NAV2: variants seen among roughly 807,000 people sequenced by gnomAD.
NAV2 encodes the protein helicase, APC down-regulated 1.
In NAV2, 54 loss-of-function variants were observed where a neutral mutation model predicts 223.2. The observed-to-expected ratio is 0.24, with a 90% CI of 0.19 to 0.30. NAV2 has a LOEUF of 0.30. Among genes scored for constraint, NAV2 ranks in the 10% least tolerant of loss-of-function variants. NAV2 has a pLI of 1.00. For synonymous variants in NAV2, 1,279 were observed against 1,239.3 expected (o/e 1.03, Z -0.67); for missense variants, 2,806 against 3,147.5 (o/e 0.89, Z 2.60).
At chr11:19,527,289 G>A (rs1271149386) in intron 1 of NAV2, among the ~76,000 whole-genome samples, 1 of 152,148 alleles carries the variant, frequency 6.6e-6, no homozygotes, top group African/African-American at 2.4e-5. Context: ...CTGCTGCCAT[G>A]TAAGATGTAC....
chr11:19,433,221 GA>G (rs1404037148), intron 1 of NAV2, among the ~76,000 whole-genome samples: 1 of 152,166 alleles, frequency 6.6e-6, no homozygotes, highest in East Asian at 1.9e-4. Context: ...CTGAAAAATG[GA>G]ATGTTTGTGG....
intron 1 of NAV2, among the ~76,000 whole-genome samples, chr11:19,577,565 TC>T (rs2045604205): frequency 6.6e-6 from 1 of 152,260 alleles, no homozygotes; most frequent in East Asian, 1.9e-4. Context: ...CAGCTCTGTT[TC>T]CCCTCTTGTC....
chr11:20,038,746 C>A (rs1365022128), intron 12 of NAV2, among the ~76,000 whole-genome samples: 1 of 152,162 alleles, frequency 6.6e-6, no homozygotes, highest in Non-Finnish European at 1.5e-5. Context: ...CGTGGGGAGG[C>A]AGGGAGAAGT....
chr11:19,471,843 A>G (rs2041975860), intron 1 of NAV2, among the ~76,000 whole-genome samples: 3 of 152,112 alleles, frequency 2.0e-5, no homozygotes, highest in Admixed American at 6.5e-5. Flanking sequence ...GGCTGCTCCA[A>G]TTGACTTCAC....
At chr11:19,635,294 C>T (rs1283036265) in intron 1 of NAV2, among the ~76,000 whole-genome samples, 1 of 152,122 alleles carries the variant, frequency 6.6e-6, no homozygotes, top group African/African-American at 2.4e-5. Context: ...ATTTTTTTAA[C>T]ACAGCAATGC....
At chr11:19,625,763 C>A (rs1055834646) in intron 1 of NAV2, among the ~76,000 whole-genome samples, 2 of 152,040 alleles carry the variant, frequency 1.3e-5, no homozygotes, top group Non-Finnish European at 2.9e-5. Context: ...AGATGACACC[C>A]CATTGTGGTT....
At chr11:19,575,904 G>A (rs1422730021) in intron 1 of NAV2, among the ~76,000 whole-genome samples, 5 of 152,168 alleles carry the variant, frequency 3.3e-5, no homozygotes, top group Non-Finnish European at 7.4e-5. Flanking sequence ...CTAGTTTTAA[G>A]TTGTAGCCCA....
intron 1 of NAV2, among the ~76,000 whole-genome samples, chr11:19,391,588 C>A (rs1180689221): frequency 6.6e-6 from 1 of 151,992 alleles, no homozygotes; most frequent in Non-Finnish European, 1.5e-5. Flanking sequence ...GTAGCAGGAA[C>A]AGTGGGGTAT....
At chr11:19,461,501 T>G (rs1253691528) in intron 1 of NAV2, among the ~76,000 whole-genome samples, 1 of 152,220 alleles carries the variant, frequency 6.6e-6, no homozygotes, top group East Asian at 1.9e-4. Context: ...TTCTACCCAC[T>G]GTGTAATTTG....
intron 1 of NAV2, among the ~76,000 whole-genome samples, chr11:19,646,139 A>T (rs550098542): frequency 6.6e-6 from 1 of 152,336 alleles, no homozygotes; most frequent in South Asian, 2.1e-4. Context: ...AATGGGGTTG[A>T]ATGAGAGGCC....
At chr11:19,540,256 G>T (rs2044304069) in intron 1 of NAV2, among the ~76,000 whole-genome samples, 1 of 151,712 alleles carries the variant, frequency 6.6e-6, no homozygotes, top group African/African-American at 2.4e-5. Flanking sequence ...TTGCCGTCAA[G>T]GTCTTCTAGC....
intron 1 of NAV2, among the ~76,000 whole-genome samples, chr11:19,673,549 C>G (rs1273952233): frequency 6.6e-6 from 1 of 152,188 alleles, no homozygotes; most frequent in Non-Finnish European, 1.5e-5. Context: ...TTCCTTGGCA[C>G]TATACTCTAC....
chr11:19,783,365 C>G (rs1251647497), intron 1 of NAV2, among the ~76,000 whole-genome samples: 2 of 152,120 alleles, frequency 1.3e-5, no homozygotes, highest in South Asian at 2.1e-4. Context: ...CACATAGAAC[C>G]TGTTAGTTCC....
intron 1 of NAV2, among the ~76,000 whole-genome samples, chr11:19,502,018 G>C (rs1485611212): frequency 1.3e-5 from 2 of 152,166 alleles, no homozygotes; most frequent in Admixed American, 1.3e-4. Context: ...AGCGTCTTGA[G>C]ACCTTTTAGA....
intron 1 of NAV2, among the ~76,000 whole-genome samples, chr11:19,684,910 C>T (rs1419044760): frequency 6.6e-6 from 1 of 152,202 alleles, no homozygotes; most frequent in Non-Finnish European, 1.5e-5. Context: ...CCTCTCAGTA[C>T]AGTGCCTGGC....
At chr11:19,531,872 G>C (rs2044036945) in intron 1 of NAV2, among the ~76,000 whole-genome samples, 2 of 152,182 alleles carry the variant, frequency 1.3e-5, no homozygotes, top group Non-Finnish European at 2.9e-5. Context: ...TGCAACTTCA[G>C]AGATATTAAA....
intron 15 of NAV2, 58 bp downstream of exon 15, chr11:20,049,253 G>C (rs2057747132): frequency 1.6e-6 from 2 of 1,266,206 alleles, no homozygotes; most frequent in East Asian, 2.3e-5. Context: ...AAAATAAAAA[G>C]ATTAGCTTAG....
chr11:19,803,243 T>G (rs115585533), intron 1 of NAV2, among the ~76,000 whole-genome samples: 1,626 of 152,308 alleles, frequency 0.011, 47 homozygotes, highest in African/African-American at 0.037. Context: ...AATCACCAGT[T>G]TATCTGTTGA....
intron 1 of NAV2, among the ~76,000 whole-genome samples, chr11:19,574,361 G>A (rs2045511844): frequency 6.6e-6 from 1 of 152,136 alleles, no homozygotes; most frequent in South Asian, 2.1e-4. Flanking sequence ...GTAACCACAG[G>A]CCTGGCACTA....
Sources: gnomAD v4.1 joint callset for allele counts (sites outside exome capture counted in the v4.1 genomes callset) on GRCh38, gnomAD v4.1.1 for gene constraint, MANE v1.5 for transcripts, NCBI Gene and HGNC (gene_info 2026-07-23, HGNC 2026-07-21) for gene names.